The following KCNIP4 variants were observed in gnomAD, a reference collection of about 807,000 sequenced individuals.
The protein encoded by KCNIP4 is Kv channel-interacting protein 4.
In KCNIP4, 12 loss-of-function variants were observed where a neutral mutation model predicts 34.0. The ratio of observed to expected loss-of-function variants is 0.35; its 90% CI spans 0.23 to 0.57. KCNIP4 has a LOEUF of 0.57. Among genes scored for constraint, KCNIP4 ranks in the 20% least tolerant of loss-of-function variants. The pLI is 0.83. For synonymous variants in KCNIP4, 124 were observed against 102.2 expected (o/e 1.21, Z -1.29); for missense variants, 238 against 311.7 (o/e 0.76, Z 1.78).
At chr4:20,756,403 T>G (rs182679577) in intron 4 of KCNIP4, among the ~76,000 whole-genome samples, 4 of 152,274 alleles carry the variant, frequency 2.6e-5, no homozygotes, top group Non-Finnish European at 5.9e-5. Flanking sequence ...TTTATCTCTT[T>G]TCTTTTCTAT....
chr4:21,832,226 T>C (rs1723031523), intron 1 of KCNIP4, among the ~76,000 whole-genome samples: 1 of 152,170 alleles, frequency 6.6e-6, no homozygotes, highest in South Asian at 2.1e-4. Flanking sequence ...AAATTAGGTA[T>C]AGATGATAAT....
intron 1 of KCNIP4, among the ~76,000 whole-genome samples, chr4:21,501,032 CA>C (rs143217126): frequency 0.013 from 1,925 of 152,126 alleles, 48 homozygotes; most frequent in African/African-American, 0.044. Context: ...TAAATTTAGG[CA>C]AGACCTCTAA....
At chr4:21,798,785 A>C (rs1720806090) in intron 1 of KCNIP4, among the ~76,000 whole-genome samples, 1 of 152,032 alleles carries the variant, frequency 6.6e-6, no homozygotes, top group South Asian at 2.1e-4. Context: ...CACACTTAGA[A>C]GGCATATGAA....
chr4:21,643,351 G>T (rs1413127221), intron 1 of KCNIP4, among the ~76,000 whole-genome samples: 2 of 152,106 alleles, frequency 1.3e-5, no homozygotes, highest in Middle Eastern at 3.2e-3. Context: ...TAGGGGAAGG[G>T]TTAGTGCATT....
intron 1 of KCNIP4, among the ~76,000 whole-genome samples, chr4:21,623,420 G>A (rs1359295341): frequency 3.3e-5 from 5 of 152,160 alleles, no homozygotes; most frequent in African/African-American, 1.2e-4. Context: ...ACAAAGCTGA[G>A]CTCAATATTT....
chr4:21,672,777 G>T (rs1749602878), intron 1 of KCNIP4, among the ~76,000 whole-genome samples: 1 of 152,242 alleles, frequency 6.6e-6, no homozygotes, highest in Admixed American at 6.5e-5. Flanking sequence ...GACTTTGCGA[G>T]TGGCTTAGCT....
intron 1 of KCNIP4, among the ~76,000 whole-genome samples, chr4:21,744,554 G>A: frequency 6.6e-6 from 1 of 152,140 alleles, no homozygotes; most frequent in East Asian, 1.9e-4. Flanking sequence ...ATGCTTCAAT[G>A]AACACCTGCT....
chr4:21,793,874 G>A (rs1720451348), intron 1 of KCNIP4, among the ~76,000 whole-genome samples: 1 of 152,182 alleles, frequency 6.6e-6, no homozygotes, highest in South Asian at 2.1e-4. Context: ...GCAAAGACTT[G>A]GAACCAACCC....
intron 3 of KCNIP4, among the ~76,000 whole-genome samples, chr4:20,838,885 A>G (rs1719375147): frequency 6.6e-6 from 1 of 152,230 alleles, no homozygotes; most frequent in Non-Finnish European, 1.5e-5. Context: ...TTTTTATATT[A>G]TTTAGAGGTT....
chr4:20,970,617 G>A (rs1466776727), intron 1 of KCNIP4, among the ~76,000 whole-genome samples: 1 of 152,166 alleles, frequency 6.6e-6, no homozygotes, highest in Non-Finnish European at 1.5e-5. Flanking sequence ...AATTGGTAGA[G>A]ACCAGGGATG....
chr4:21,218,098 C>T (rs915006434), intron 1 of KCNIP4, among the ~76,000 whole-genome samples: 4 of 151,670 alleles, frequency 2.6e-5, no homozygotes, highest in East Asian at 1.9e-4. Context: ...TACCCACAAC[C>T]TCCGCCTCCT....
chr4:21,518,967 CCAA>C (rs1163239008), intron 1 of KCNIP4, among the ~76,000 whole-genome samples: 1 of 152,012 alleles, frequency 6.6e-6, no homozygotes, highest in Admixed American at 6.6e-5. Flanking sequence ...GTGAATCCTC[CCAA>C]CAAGCCTATA....
chr4:21,942,741 T>C (rs1264564456), intron 1 of KCNIP4, among the ~76,000 whole-genome samples: 1 of 152,198 alleles, frequency 6.6e-6, no homozygotes, highest in Non-Finnish European at 1.5e-5. Context: ...AAATATCTAC[T>C]AGTTTTTTGT....
chr4:20,830,934 T>C (rs1718352762), intron 3 of KCNIP4, among the ~76,000 whole-genome samples: 1 of 152,112 alleles, frequency 6.6e-6, no homozygotes, highest in African/African-American at 2.4e-5. Flanking sequence ...GACAACAGGA[T>C]CTAATAGCAG....
At chr4:21,077,967 AAT>A (rs1322465100) in intron 1 of KCNIP4, among the ~76,000 whole-genome samples, 1 of 152,068 alleles carries the variant, frequency 6.6e-6, no homozygotes, top group Non-Finnish European at 1.5e-5. Context: ...GAAGATTTTT[AAT>A]ATGAGTTTTA....
chr4:21,539,104 T>C (rs1737467263), intron 1 of KCNIP4, among the ~76,000 whole-genome samples: 2 of 152,178 alleles, frequency 1.3e-5, no homozygotes, highest in African/African-American at 4.8e-5. Flanking sequence ...CTGCCATGAT[T>C]GTAAGTTTCC....
chr4:21,283,933 G>T (rs1762941930), intron 1 of KCNIP4, among the ~76,000 whole-genome samples: 1 of 151,990 alleles, frequency 6.6e-6, no homozygotes, highest in Non-Finnish European at 1.5e-5. Context: ...CAATTTACTG[G>T]CCGGGCACGG....
chr4:20,739,313 AACT>A (rs1750484568), intron 5 of KCNIP4, among the ~76,000 whole-genome samples: 2 of 152,340 alleles, frequency 1.3e-5, no homozygotes, highest in Admixed American at 1.3e-4. Context: ...CGAGTAGCAT[AACT>A]GGGAAACACC....
At chr4:21,067,088 A>G (rs1394008125) in intron 1 of KCNIP4, among the ~76,000 whole-genome samples, 1 of 152,198 alleles carries the variant, frequency 6.6e-6, no homozygotes, top group African/African-American at 2.4e-5. Context: ...CGCACCGGAC[A>G]GAGTCCTGAG....
Sources: allele counts gnomAD v4.1 joint callset (sites outside exome capture counted in the v4.1 genomes callset), GRCh38; gene constraint gnomAD v4.1.1; transcripts MANE v1.5; gene names NCBI Gene and HGNC (gene_info 2026-07-23, HGNC 2026-07-21).